The following FRMPD4 variants were observed in gnomAD, a reference collection of about 807,000 sequenced individuals.
FRMPD4 encodes FERM and PDZ domain-containing protein 4.
Under a neutral mutation model 94.1 loss-of-function variants are expected in FRMPD4, and 22 were observed. That is an observed-to-expected ratio of 0.23 (90% confidence interval 0.17 to 0.33). The LOEUF (loss-of-function observed/expected upper bound fraction) is 0.33, where lower values mean the gene tolerates loss of function less well. Ranked by LOEUF, FRMPD4 falls within the 10% of genes least tolerant of loss-of-function variation. The pLI, the probability that FRMPD4 is intolerant of heterozygous loss-of-function variation, is 1.00. For synonymous variants in FRMPD4, 631 were observed against 548.6 expected (o/e 1.15, Z -2.10); for missense variants, 1,111 against 1,339.9 (o/e 0.83, Z 2.67).
intron 3 of FRMPD4, among the ~76,000 whole-genome samples, chrX:11,900,325 C>T (rs192334422): frequency 2.7e-5 from 3 of 110,764 alleles, no homozygotes; most frequent in South Asian, 3.8e-4. Flanking sequence ...AAATGGGAAG[C>T]GGGGGCTTCA....
chrX:12,137,670 G>A (rs2055616892), upstream of FRMPD4, among the ~76,000 whole-genome samples: 1 of 112,277 alleles, frequency 8.9e-6, no homozygotes, highest in Non-Finnish European at 1.9e-5. Flanking sequence ...GTAGAACTGA[G>A]TTAATGAACA....
intron 1 of FRMPD4, among the ~76,000 whole-genome samples, chrX:12,488,474 A>T (rs1288985833): frequency 8.9e-6 from 1 of 111,923 alleles, no homozygotes; most frequent in African/African-American, 3.2e-5. Context: ...CTGCCAGCAT[A>T]TTGCATATTT....
At chrX:11,927,153 A>C (rs999255444) in intron 3 of FRMPD4, among the ~76,000 whole-genome samples, 4 of 110,463 alleles carry the variant, frequency 3.6e-5, no homozygotes, top group Non-Finnish European at 5.7e-5. Flanking sequence ...TTGCCACAAA[A>C]AAAAAAAAGT....
chrX:12,051,128 A>G (rs1192321617), intron 3 of FRMPD4, among the ~76,000 whole-genome samples: 1 of 111,954 alleles, frequency 8.9e-6, no homozygotes, highest in Non-Finnish European at 1.9e-5. Context: ...ATGTATGTTT[A>G]TAGGATACAT....
At chrX:12,213,646 T>A (rs1391549677) in intron 1 of FRMPD4, among the ~76,000 whole-genome samples, 1 of 112,186 alleles carries the variant, frequency 8.9e-6, no homozygotes, top group East Asian at 2.8e-4. Flanking sequence ...AGAAGTAACC[T>A]ACTGAATTTC....
intron 1 of FRMPD4, among the ~76,000 whole-genome samples, chrX:12,249,962 T>C (rs764616368): frequency 9.0e-6 from 1 of 111,128 alleles, no homozygotes; most frequent in Non-Finnish European, 1.9e-5. Flanking sequence ...ATAATTTTTA[T>C]TGGACAGACT....
At chrX:12,494,701 C>T (rs2057827565) in intron 1 of FRMPD4, among the ~76,000 whole-genome samples, 1 of 111,741 alleles carries the variant, frequency 8.9e-6, no homozygotes, top group Admixed American at 9.5e-5. Context: ...GGGTTGCTTC[C>T]ACTAATGGTT....
At chrX:12,539,537 A>C (rs1414458075) in intron 2 of FRMPD4, among the ~76,000 whole-genome samples, 1 of 112,223 alleles carries the variant, frequency 8.9e-6, no homozygotes, top group Non-Finnish European at 1.9e-5. Flanking sequence ...GCAGCCAGAA[A>C]GAAAGGTAGG....
intron 1 of FRMPD4, among the ~76,000 whole-genome samples, chrX:12,284,215 A>G (rs2054567146): frequency 9.0e-6 from 1 of 110,805 alleles, no homozygotes; most frequent in Non-Finnish European, 1.9e-5. Flanking sequence ...AAACTAATAA[A>G]CTCCCCTCCT....
intron 3 of FRMPD4, among the ~76,000 whole-genome samples, chrX:12,113,731 G>A (rs1300403995): frequency 8.9e-6 from 1 of 112,084 alleles, no homozygotes; most frequent in East Asian, 2.8e-4. Context: ...CAGGTTCTGG[G>A]GATTAGGACA....
At chrX:12,200,243 A>G (rs933313982) in intron 1 of FRMPD4, among the ~76,000 whole-genome samples, 1 of 111,953 alleles carries the variant, frequency 8.9e-6, no homozygotes, top group Non-Finnish European at 1.9e-5. Flanking sequence ...AAGTTAAACT[A>G]TAAACTAATT....
chrX:12,660,451 A>C (rs2059702557), intron 4 of FRMPD4, among the ~76,000 whole-genome samples: 1 of 111,784 alleles, frequency 8.9e-6, no homozygotes, highest in Non-Finnish European at 1.9e-5. Context: ...GCAGTAAGAA[A>C]ATCTTTTTCC....
intron 2 of FRMPD4, among the ~76,000 whole-genome samples, chrX:12,561,038 G>T (rs945254658): frequency 1.4e-4 from 15 of 109,445 alleles, no homozygotes; most frequent in Admixed American, 8.8e-4. Context: ...CAAAGTGCTG[G>T]GATTACAGGC....
intron 1 of FRMPD4, among the ~76,000 whole-genome samples, chrX:12,345,080 G>A (rs1214487784): frequency 9.2e-6 from 1 of 109,176 alleles, no homozygotes; most frequent in Non-Finnish European, 1.9e-5. Flanking sequence ...ATGGATTGAT[G>A]GATGAATGAA....
chrX:12,653,877 C>T (rs1356498064), intron 4 of FRMPD4, among the ~76,000 whole-genome samples: 1 of 112,265 alleles, frequency 8.9e-6, no homozygotes, highest in Non-Finnish European at 1.9e-5. Flanking sequence ...AAGCGATTCC[C>T]CTGCCTCAGC....
chrX:12,710,300 C>A (rs2147156061), intron 13 of FRMPD4, 99 bp from the exon 14 acceptor site: 1 of 709,895 alleles, frequency 1.4e-6, no homozygotes, highest in Non-Finnish European at 2.1e-6. Flanking sequence ...AATGTTTGTT[C>A]AATAACTCCT....
At chrX:12,096,968 C>CA (rs958249534) in intron 3 of FRMPD4, among the ~76,000 whole-genome samples, 7 of 108,310 alleles carry the variant, frequency 6.5e-5, no homozygotes, top group South Asian at 3.9e-4. Context: ...ATGCCTAAAC[C>CA]AAAAAAAAAG....
chrX:11,956,849 T>C (rs181045680), intron 3 of FRMPD4, among the ~76,000 whole-genome samples: 9 of 112,296 alleles, frequency 8.0e-5, no homozygotes, highest in African/African-American at 2.3e-4. Context: ...TCCGCAGGTT[T>C]GTAGTTTCAG....
intron 2 of FRMPD4, among the ~76,000 whole-genome samples, chrX:12,592,412 T>C (rs768192223): frequency 8.9e-6 from 1 of 112,145 alleles, no homozygotes; most frequent in South Asian, 3.8e-4. Flanking sequence ...ACCCTTATGA[T>C]GGGCGAGGAA....
Sources: gnomAD v4.1 joint callset for allele counts (sites outside exome capture counted in the v4.1 genomes callset) on GRCh38, gnomAD v4.1.1 for gene constraint, MANE v1.5 for transcripts, NCBI Gene and HGNC (gene_info 2026-07-23, HGNC 2026-07-21) for gene names.